TNR: variants seen among roughly 807,000 people sequenced by gnomAD.
TNR encodes tenascin-R.
A neutral mutation model predicts 150.4 loss-of-function variants in TNR; 45 were observed. That is an observed-to-expected ratio of 0.30 (90% confidence interval 0.24 to 0.38). The LOEUF is 0.38. Ranked by LOEUF, TNR falls within the 10% of genes least tolerant of loss-of-function variation. The probability of loss-of-function intolerance (pLI) is 1.00; values close to 1 mark genes in which losing one functional copy is unlikely to be tolerated. For synonymous variants in TNR, 687 were observed against 678.4 expected, an observed-to-expected ratio of 1.01 and a Z score of -0.20; for missense variants, 1,544 against 1,759.1, an observed-to-expected ratio of 0.88 and a Z score of 2.19.
rs1571646732 is a variant in TNR at position 175,589,726 on chromosome 1, T to A, written c.-164-61357A>T. ...CATGGATGAAGCTAGAGACCACCAT[T>A]CTCAGCAAACTAACACCAGAACAGA... On this transcript the variant is annotated intron_variant, in intron 1 of 22. Coordinates refer to ENST00000367674, the MANE Select transcript of TNR (RefSeq NM_003285.3). Among the ~76,000 whole-genome samples, 3 of 152,188 alleles carry A rather than the reference T, an allele frequency of 2.0e-5. No homozygotes were observed. The South Asian group carries it at 6.2e-4, about 32-fold the overall frequency.
chr1:175,614,215 T>C (rs1183085827), intron 1 of TNR, among the ~76,000 whole-genome samples: 2 of 152,124 alleles, frequency 1.3e-5, no homozygotes, highest in Non-Finnish European at 1.5e-5. Flanking sequence ...TGGAATATGG[T>C]AGGAAGAGAG....
intron 1 of TNR, among the ~76,000 whole-genome samples, chr1:175,574,947 G>A (rs1662040288): frequency 6.6e-6 from 1 of 152,194 alleles, no homozygotes; most frequent in Non-Finnish European, 1.5e-5. Flanking sequence ...ATTCAGTGGT[G>A]GACAAAACAG....
chr1:175,582,593 T>G (rs889499066), intron 1 of TNR, among the ~76,000 whole-genome samples: 1 of 152,116 alleles, frequency 6.6e-6, no homozygotes, highest in African/African-American at 2.4e-5. Context: ...GAGGGGGTGG[T>G]GGAGAACTCC....
chr1:175,408,217 C>T (rs1654046880), intron 2 of TNR, among the ~76,000 whole-genome samples: 1 of 152,160 alleles, frequency 6.6e-6, no homozygotes, highest in South Asian at 2.1e-4. Flanking sequence ...GTGACCGTCG[C>T]TTCAGGACGG....
chr1:175,570,718 T>A (rs946729860), intron 1 of TNR, among the ~76,000 whole-genome samples: 1 of 152,052 alleles, frequency 6.6e-6, no homozygotes, highest in Non-Finnish European at 1.5e-5. Flanking sequence ...CTTTCACAAA[T>A]CTATTCCTTA....
chr1:175,461,179 T>G (rs1477136210), intron 2 of TNR, among the ~76,000 whole-genome samples: 1 of 152,226 alleles, frequency 6.6e-6, no homozygotes, highest in Non-Finnish European at 1.5e-5. Context: ...ATTTTCACCC[T>G]GCAGGGGTCT....
intron 2 of TNR, among the ~76,000 whole-genome samples, chr1:175,491,794 C>T (rs1010460177): frequency 9.9e-5 from 15 of 152,004 alleles, no homozygotes; most frequent in Non-Finnish European, 1.6e-4. Context: ...GGACTATAGG[C>T]ACCCACCACC....
intron 1 of TNR, among the ~76,000 whole-genome samples, chr1:175,708,488 G>A (rs533328817): frequency 2.8e-4 from 43 of 152,268 alleles, no homozygotes; most frequent in Admixed American, 1.6e-3. Flanking sequence ...GTATATCCTC[G>A]CACTTTATGA....
chr1:175,400,482 G>C (rs949729602), intron 4 of TNR, among the ~76,000 whole-genome samples: 2 of 152,194 alleles, frequency 1.3e-5, no homozygotes, highest in African/African-American at 2.4e-5. Context: ...TACATGGGCA[G>C]AGAATGGAGG....
chr1:175,696,748 A>G (rs1435593414), intron 1 of TNR, among the ~76,000 whole-genome samples: 2 of 152,144 alleles, frequency 1.3e-5, no homozygotes, highest in Non-Finnish European at 2.9e-5. Flanking sequence ...GTATGGTGGC[A>G]CATGCCTGTA....
In TNR at chr1:175,599,750, GGTT is replaced by G. The variant is rs1558031312; in HGVS notation, c.-164-71384_-164-71382del. Among the ~76,000 whole-genome samples, 1 of 152,244 alleles carries G rather than the reference GGTT, an allele frequency of 6.6e-6. No homozygotes were observed. The highest frequency in any genetic ancestry group is 1.5e-5 in the Non-Finnish European group (1 of 68,048). On this transcript the variant is annotated intron_variant, in intron 1 of 22. Coordinates refer to ENST00000367674, the MANE Select transcript of TNR (RefSeq NM_003285.3). This position sits in a 1 kb window ranked among gnomAD's most constrained non-coding sequence, Gnocchi z 4.7. ...AGGCTTTTCGTGAGACCCATTGGCG[GGTT>G]CCCTGCCACCAATATGCAGTCTCAC...
intron 15 of TNR, among the ~76,000 whole-genome samples, chr1:175,357,793 C>A (rs1192884265): frequency 6.6e-6 from 1 of 152,216 alleles, no homozygotes; most frequent in African/African-American, 2.4e-5. Flanking sequence ...TAACTATTTA[C>A]TTCTCTGCAA....
chr1:175,476,337 A>T (rs1657544373), intron 2 of TNR, among the ~76,000 whole-genome samples: 1 of 152,208 alleles, frequency 6.6e-6, no homozygotes, highest in African/African-American at 2.4e-5. Context: ...GAGCATAAGT[A>T]GGTGATGTAT....
chr1:175,501,283 G>A (rs1000214135), intron 2 of TNR, among the ~76,000 whole-genome samples: 4 of 152,178 alleles, frequency 2.6e-5, no homozygotes, highest in South Asian at 2.1e-4. Context: ...GGAAGTAAGC[G>A]GCTATGTTGT....
intron 18 of TNR, among the ~76,000 whole-genome samples, chr1:175,345,946 C>G (rs769850028): frequency 5.9e-5 from 9 of 152,034 alleles, no homozygotes; most frequent in Non-Finnish European, 1.3e-4. Flanking sequence ...AAAAGCAGAT[C>G]ACCTACAAAA....
intron 9 of TNR, among the ~76,000 whole-genome samples, chr1:175,377,849 G>T (rs952539150): frequency 6.6e-6 from 1 of 152,102 alleles, no homozygotes; most frequent in Non-Finnish European, 1.5e-5. Context: ...GGCAGCTCCT[G>T]GTCCATGACT....
rs796279695 is a variant in TNR at position 175,633,043 on chromosome 1, C to T, written c.-164-104674G>A. On this transcript the variant is annotated intron_variant, in intron 1 of 22. Transcript: ENST00000367674. Reference sequence around the variant, plus strand: ...CTCCATACCTTGTATACACTGTCCCCTCTATCTGGAATACCCACCCCCTCT... The same window carrying T: ...CTCCATACCTTGTATACACTGTCCCTTCTATCTGGAATACCCACCCCCTCT... Among the ~76,000 whole-genome samples, 31 of 152,298 alleles carry T rather than the reference C, an allele frequency of 2.0e-4. 1 individual carries two copies. The highest frequency in any genetic ancestry group is 6.0e-4 in the African/African-American group (25 of 41,548).
intron 2 of TNR, among the ~76,000 whole-genome samples, chr1:175,498,873 G>A (rs1002802853): frequency 3.9e-5 from 6 of 152,136 alleles, no homozygotes; most frequent in Admixed American, 2.6e-4. Flanking sequence ...AATAATATGC[G>A]CTATGTTAAC....
At chr1:175,604,822 C>A (rs779734735) in intron 1 of TNR, among the ~76,000 whole-genome samples, 1 of 152,122 alleles carries the variant, frequency 6.6e-6, no homozygotes, top group Non-Finnish European at 1.5e-5. Context: ...TTTGCCGCAG[C>A]GCTAACCAGG....
Sources: gnomAD v4.1 joint callset for allele counts (sites outside exome capture counted in the v4.1 genomes callset) on GRCh38, gnomAD v4.1.1 for gene constraint, Gnocchi (gnomAD v3.1) non-coding constraint, MANE v1.5 for transcripts, NCBI Gene and HGNC (gene_info 2026-07-23, HGNC 2026-07-21) for gene names.